Variants in ARHGEF17 observed in about 807,000 individuals in gnomAD.
ARHGEF17 encodes Rho guanine nucleotide exchange factor 17.
A neutral mutation model predicts 174.0 loss-of-function variants in ARHGEF17; 80 were observed. The observed-to-expected ratio is 0.46, with a 90% CI of 0.38 to 0.55. The LOEUF (loss-of-function observed/expected upper bound fraction) is 0.55. Ranked by LOEUF, ARHGEF17 falls within the 20% of genes least tolerant of loss-of-function variation. ARHGEF17 has a pLI of 0.00. For synonymous variants in ARHGEF17, 1,311 were observed against 1,189.1 expected (o/e 1.10, Z -2.11); for missense variants, 2,886 against 2,839.7 (o/e 1.02, Z -0.37).
Position 73,310,911 on chromosome 11 carries a change from A to G in ARHGEF17, c.2273A>G (p.Asn758Ser). 6.2e-7 allele frequency: 1 copy of G among 1,613,324 alleles called. No homozygotes were observed. Reference protein sequence around the residue: ...EEPTGFSVDSNLLGSLSPKTG... With the variant: ...EEPTGFSVDSSLLGSLSPKTG... ...CCTACTGGGTTCTCTGTGGACAGCA[A>G]CCTCCTGGGCTCACTGAGCCCCAAG... is the stretch of plus-strand genomic sequence containing the variant. The change falls in exon 1 of 21, where the codon AAC (asparagine) becomes AGC (serine). Residue 758 changes from asparagine to serine, a missense_variant. By Grantham distance (46) the Asn-to-Ser change is conservative. Transcript: ENST00000263674.
intron 1 of ARHGEF17, chr11:73,342,940 A>AGGCAGCAGCGCCGCCGGCGGCCG (rs1865395678): frequency 5.7e-6 from 1 of 176,628 alleles, no homozygotes; most frequent in Non-Finnish European, 1.2e-5. Flanking sequence ...AGCGCGGAGG[A>AGGCAGCAGCGCCGCCGGCGGCCG]GGCAGCAGCG....
At chr11:73,312,780 C>T (rs575741084) in intron 1 of ARHGEF17, among the ~76,000 whole-genome samples, 124 of 152,116 alleles carry the variant, frequency 8.2e-4, no homozygotes, top group African/African-American at 3.0e-3. Flanking sequence ...TTTCCCCACT[C>T]TACCCCCTTC....
At chr11:73,367,548 GC>G in intron 20 of ARHGEF17, 35 bp from the exon 21 acceptor site, 1 of 1,560,108 alleles carries the variant, frequency 6.4e-7, no homozygotes. Flanking sequence ...GCCTCCATTC[GC>G]CCCCAAGCTG....
chr11:73,346,967 C>A lies in ARHGEF17; in HGVS notation c.3270+7C>A. On this transcript the variant is annotated splice_region_variant and intron_variant, in intron 2 of 20. Transcript: ENST00000263674. ...GCTGCGCACCCTGATGCAGGTGGGG[C>A]TCGGGGCCCACTCCCCTGAGAATGG... is the stretch of plus-strand genomic sequence containing the variant. 6.3e-7 allele frequency: 1 copy of A among 1,589,680 alleles called. No individual in the cohort carries two copies. Among genetic ancestry groups the A allele is most frequent in the Non-Finnish European group, 8.6e-7 (1 of 1,164,528 alleles).
At chr11:73,312,756 G>A (rs1475254016) in intron 1 of ARHGEF17, among the ~76,000 whole-genome samples, 4 of 151,842 alleles carry the variant, frequency 2.6e-5, no homozygotes, top group African/African-American at 7.3e-5. Flanking sequence ...CCCCCATCCT[G>A]TCTGCTTGCA....
rs1311540079 is a variant in ARHGEF17, at chr11:73,309,256, G to A, written c.618G>A (p.Arg206=). The A allele has an allele frequency of 6.2e-7, 1 of 1,608,434 alleles. No individual in the cohort carries two copies. The change falls in exon 1 of 21, where the codon CGG becomes CGA. Residue 206 remains arginine, a synonymous_variant. Transcript: ENST00000263674. ...RLRRPQQQQE[R]AQRPADGLHS... The stretch of plus-strand genomic sequence containing the variant: ...GCCGGCCGCAGCAGCAACAGGAGCG[G>A]GCGCAGCGTCCAGCGGATGGTTTAC...
At position 73,363,759 on chromosome 11, in the gene ARHGEF17, C is replaced by T; in HGVS notation, c.5259C>T (p.Tyr1753=). The T allele has an allele frequency of 6.2e-7, 1 of 1,614,042 alleles. No individual in the cohort carries two copies. The highest frequency in any genetic ancestry group is 8.5e-7 in the Non-Finnish European group (1 of 1,180,016). Residue 1753 remains tyrosine (Y), a synonymous_variant, in exon 16 of 21, where the codon TAC becomes TAT. Coordinates refer to ENST00000263674, the MANE Select transcript of ARHGEF17 (RefSeq NM_014786.4). ...LGTEDGCVHV[Y]QSSDSIRDRR... ...CCCCGATCCACAGTGTCCACGTGTA[C>T]CAGTCCTCCGACAGCATCCGTGACC...
intron 1 of ARHGEF17, among the ~76,000 whole-genome samples, chr11:73,331,232 C>T (rs972501431): frequency 6.6e-6 from 1 of 152,200 alleles, no homozygotes; most frequent in Non-Finnish European, 1.5e-5. Flanking sequence ...GAGCACTGGC[C>T]TTGTCCTGGC....
rs1182171189 is a variant in ARHGEF17 at position 73,326,744 on chromosome 11, G to GACTAAA, written c.3192+14915_3192+14916insCTAAAA. Among the ~76,000 whole-genome samples the GACTAAA allele has an allele frequency of 2.0e-5, 3 of 152,066 alleles. No individual in the cohort carries two copies. In the South Asian group the frequency reaches 6.2e-4, roughly 31 times the overall value. ...TCAAAAAATTAAAAAATAAATAAAT[G>GACTAAA]AATAAAAATAAAAATAGTGGAACCT... On this transcript the variant is annotated intron_variant, in intron 1 of 20. Transcript: ENST00000263674.
intron 11 of ARHGEF17, 126 bp from the exon 12 acceptor site, chr11:73,360,962 G>A (rs1024316162): frequency 5.5e-6 from 4 of 721,198 alleles, no homozygotes; most frequent in Admixed American, 5.4e-5. Context: ...ATGTGGCTGG[G>A]ATCAGGCCTT....
At position 73,361,072 on chromosome 11, in the gene ARHGEF17, T is replaced by C. The variant is rs772530705; in HGVS notation, c.4421-16T>C. The C allele has an allele frequency of 1.9e-6, 3 of 1,610,380 alleles. No homozygotes were observed. The highest frequency in any genetic ancestry group is 1.7e-5 in the Admixed American group (1 of 59,904). On this transcript the variant is annotated splice_polypyrimidine_tract_variant and intron_variant, in intron 11 of 20. Transcript: ENST00000263674. Reference sequence around the variant, plus strand: ...ATGCTAAGCAGGGTCCGTCTGTCTGTCCATCTCCACTACAGCATCCAGCAA... The same window carrying C: ...ATGCTAAGCAGGGTCCGTCTGTCTGCCCATCTCCACTACAGCATCCAGCAA...
In ARHGEF17 at chr11:73,310,868, G is replaced by T. The variant is rs1864815437; in HGVS notation, c.2230G>T (p.Ala744Ser). Residue 744 changes from alanine (A) to serine (S), a missense_variant, in exon 1 of 21, where the codon GCT (alanine) becomes TCT (serine). By Grantham distance (99) the Ala-to-Ser change is moderately conservative. Transcript: ENST00000263674. ...LSDPIPQRHR[A>S]ATSEEPTGFS... Reference sequence around the variant, plus strand: ...TGACCCAATTCCTCAGCGCCACCGGGCTGCCACCTCTGAAGAGCCTACTGG... The same window carrying T: ...TGACCCAATTCCTCAGCGCCACCGGTCTGCCACCTCTGAAGAGCCTACTGG... 2 of 1,612,090 alleles carry T rather than the reference G, an allele frequency of 1.2e-6. No individual in the cohort carries two copies. The highest frequency in any genetic ancestry group is 2.7e-5 in the African/African-American group (2 of 74,874).
intron 14 of ARHGEF17, 98 bp downstream of exon 14, chr11:73,362,832 C>A: frequency 7.1e-7 from 1 of 1,408,284 alleles, no homozygotes; most frequent in Non-Finnish European, 9.6e-7. Context: ...AAAGGCATGG[C>A]GTCAGACCTC....
intron 20 of ARHGEF17, among the ~76,000 whole-genome samples, chr11:73,366,199 CAG>C (rs1414974631): frequency 6.6e-6 from 1 of 151,744 alleles, no homozygotes; most frequent in Non-Finnish European, 1.5e-5. Context: ...TCATGAGAGA[CAG>C]GGAGGGAACT....
At position 73,365,085 on chromosome 11, in the gene ARHGEF17, C is replaced by T. The variant is rs1193448253; in HGVS notation, c.5551-305C>T. The T allele has an allele frequency of 2.5e-6, 1 of 394,350 alleles. No individual in the cohort carries two copies. The highest frequency in any genetic ancestry group is 4.0e-5 in the Admixed American group (1 of 24,736). 24.4% of individuals were successfully genotyped at this position (394,350 alleles called of 1,614,324 possible). On this transcript the variant is annotated intron_variant, in intron 18 of 20. Transcript: ENST00000263674. This position sits in a 1 kb window ranked among gnomAD's most constrained non-coding sequence, Gnocchi z 4.9. ...GTGACTGACTTGCTGTGTGACCTTTCCCTTCTAGGCTTCAGCTTCCCCACC... is the reference window on the plus strand; with the variant it reads ...GTGACTGACTTGCTGTGTGACCTTTTCCTTCTAGGCTTCAGCTTCCCCACC...
intron 9 of ARHGEF17, among the ~76,000 whole-genome samples, chr11:73,358,493 C>G (rs57592318): frequency 0.32 from 44,377 of 140,180 alleles, 9,447 homozygotes; most frequent in African/African-American, 0.62. Context: ...GAGTCTCACT[C>G]TGTTGCCAAG....
chr11:73,341,307 T>C (rs1462161180), intron 1 of ARHGEF17, among the ~76,000 whole-genome samples: 1 of 152,186 alleles, frequency 6.6e-6, no homozygotes, highest in East Asian at 1.9e-4. Flanking sequence ...TTTTTCTTTT[T>C]GAGATGGAGT....
chr11:73,353,272 C>T (rs1759348092), intron 3 of ARHGEF17: 1 of 544,072 alleles, frequency 1.8e-6, no homozygotes. Flanking sequence ...ATCCTGGACC[C>T]TACCCCGCTC....
At chr11:73,358,453 CTTTTT>C (rs1172357794) in intron 9 of ARHGEF17, among the ~76,000 whole-genome samples, 8 of 93,296 alleles carry the variant, frequency 8.6e-5, no homozygotes, top group Non-Finnish European at 1.6e-4. Context: ...AGGTCCGCCT[CTTTTT>C]TTTTTTTTTT....
Sources: gnomAD v4.1 joint callset for allele counts (sites outside exome capture counted in the v4.1 genomes callset) on GRCh38, gnomAD v4.1.1 for gene constraint, Gnocchi (gnomAD v3.1) non-coding constraint, MANE v1.5 for transcripts, NCBI Gene and HGNC (gene_info 2026-07-23, HGNC 2026-07-21) for gene names.